The following VPS35L variants were observed in gnomAD, a reference collection of about 807,000 sequenced individuals.
VPS35L encodes VPS35 endosomal protein sorting factor like.
In VPS35L, 83 loss-of-function variants were observed where a neutral mutation model predicts 133.0. The observed-to-expected ratio is 0.62, with a 90% CI of 0.52 to 0.75. The LOEUF is 0.75. Among genes scored for constraint, VPS35L ranks in the 30% least tolerant of loss-of-function variants. The pLI is 0.00. For missense variants in VPS35L, 1,083 were observed against 1,206.8 expected, an observed-to-expected ratio of 0.90 and a Z score of 1.52; for synonymous variants, 423 against 449.9, an observed-to-expected ratio of 0.94 and a Z score of 0.76.
intron 9 of VPS35L, among the ~76,000 whole-genome samples, chr16:19,607,453 T>G (rs1172193012): frequency 1.3e-5 from 2 of 152,226 alleles, no homozygotes; most frequent in Non-Finnish European, 1.5e-5. Context: ...TTGACCCACG[T>G]GACCACACCT....
Position 19,563,955 on chromosome 16 carries a change from G to A in VPS35L, c.18-896G>A, listed in dbSNP as rs146550001. 2.9e-3 allele frequency among the ~76,000 whole-genome samples: 436 copies of A among 152,334 alleles called. 1 individual carries two copies. Among genetic ancestry groups the A allele is most frequent in the Admixed American group, 5.3e-3 (81 of 15,292 alleles). ...GCGTCAGCCTCTTGTCCTGTGCTGAGAATTCACAAATGCCCTCAGCGGGAA... is the reference window on the plus strand; with the variant it reads ...GCGTCAGCCTCTTGTCCTGTGCTGAAAATTCACAAATGCCCTCAGCGGGAA... On this transcript the variant is annotated intron_variant, in intron 1 of 30. Coordinates refer to ENST00000417362, the MANE Select transcript of VPS35L (RefSeq NM_020314.7).
intron 29 of VPS35L, among the ~76,000 whole-genome samples, chr16:19,693,472 C>T (rs1036211635): frequency 6.6e-6 from 1 of 151,296 alleles, no homozygotes; most frequent in African/African-American, 2.4e-5. Flanking sequence ...AAGATCCTGT[C>T]TCTATTAAAA....
At position 19,682,271 on chromosome 16, in the gene VPS35L, A is replaced by G. The variant is rs147028064; in HGVS notation, c.2408A>G (p.Asn803Ser). 1.7e-5 allele frequency: 27 copies of G among 1,614,020 alleles called. No homozygotes were observed. Among genetic ancestry groups the G allele is most frequent in the African/African-American group, 5.3e-5 (4 of 74,896 alleles). Reference protein sequence around the residue: ...GVLFLVRELLNVIQDYTWEDN... With the variant: ...GVLFLVRELLSVIQDYTWEDN... ...CTGTTTCTTGTTCGAGAGCTTCTCA[A>G]CGTGATCCAGGACTACACCTGGGAG... Residue 803 changes from asparagine (N) to serine (S), a missense_variant, in exon 28 of 31, where the codon AAC (asparagine) becomes AGC (serine). Transcript: ENST00000417362.
chr16:19,561,241 G>A (rs1398628037), intron 1 of VPS35L, among the ~76,000 whole-genome samples: 1 of 151,930 alleles, frequency 6.6e-6, no homozygotes, highest in African/African-American at 2.4e-5. Context: ...TGTGGTGGCG[G>A]GCGCCTGTAG....
intron 27 of VPS35L, among the ~76,000 whole-genome samples, chr16:19,672,397 C>T (rs1017010011): frequency 6.6e-6 from 1 of 152,194 alleles, no homozygotes; most frequent in African/African-American, 2.4e-5. Context: ...ATGATATGTT[C>T]CAAAATTGAC....
At chr16:19,624,222 C>T (rs1033651091) in intron 14 of VPS35L, among the ~76,000 whole-genome samples, 2 of 147,832 alleles carry the variant, frequency 1.4e-5, no homozygotes, top group Non-Finnish European at 3.0e-5. Flanking sequence ...CTCAAGTGAT[C>T]CTCCCACCTC....
chr16:19,654,903 G>A lies in VPS35L; in HGVS notation c.2221+2813G>A, dbSNP rs182731355. 8.3e-4 allele frequency among the ~76,000 whole-genome samples: 126 copies of A among 152,222 alleles called. No homozygotes were observed. In the Middle Eastern group the frequency reaches 0.01, roughly 12 times the overall value. On this transcript the variant is annotated intron_variant, in intron 26 of 30. Coordinates refer to ENST00000417362, the MANE Select transcript of VPS35L (RefSeq NM_020314.7). Reference sequence around the variant, plus strand: ...ATGGATCTGAATGTTGTGGATCTTGGGAAATTTATAATTAGATCCCATGTA... The same window carrying A: ...ATGGATCTGAATGTTGTGGATCTTGAGAAATTTATAATTAGATCCCATGTA...
intron 19 of VPS35L, among the ~76,000 whole-genome samples, chr16:19,634,544 A>G (rs941586431): frequency 6.6e-6 from 1 of 152,176 alleles, no homozygotes; most frequent in Non-Finnish European, 1.5e-5. Flanking sequence ...GTAACAGATT[A>G]TAGCCCATTG....
rs1972906340 is a variant in VPS35L, at chr16:19,616,742, T to C, written c.1158T>C (p.Ser386=). ...TGGTCCAAGGAGTGGAGCTCCCATC[T>C]TACCTCCCCTTGTACCCGCCTGCCA... ...QLVVQGVELP[S]YLPLYPPAMD... is the part of the protein sequence containing the mutation. The change falls in exon 14 of 31, where the codon TCT becomes TCC. Residue 386 remains serine (S), a synonymous_variant. Transcript: ENST00000417362. 6 of 1,614,116 alleles carry C rather than the reference T, an allele frequency of 3.7e-6. No individual in the cohort carries two copies. Among genetic ancestry groups the C allele is most frequent in the Non-Finnish European group, 4.2e-6 (5 of 1,179,984 alleles).
chr16:19,688,369 C>T (rs577487880), intron 28 of VPS35L, among the ~76,000 whole-genome samples: 6 of 152,210 alleles, frequency 3.9e-5, no homozygotes, highest in East Asian at 3.9e-4. Context: ...TTCAATGGGG[C>T]GAGAAAAGCA....
At chr16:19,700,041 G>C (rs185093426) in intron 30 of VPS35L, among the ~76,000 whole-genome samples, 91 of 152,344 alleles carry the variant, frequency 6.0e-4, no homozygotes, top group Admixed American at 3.9e-3. Flanking sequence ...AGGCTGCAGT[G>C]AGCTATGATC....
At chr16:19,663,665 A>ATTTTTTTT in intron 26 of VPS35L, among the ~76,000 whole-genome samples, 1 of 92,920 alleles carries the variant, frequency 1.1e-5, no homozygotes, top group African/African-American at 5.3e-5. Context: ...CAGTGCAGTA[A>ATTTTTTTT]TTTCTTTTTT....
intron 18 of VPS35L, among the ~76,000 whole-genome samples, chr16:19,630,326 GTTT>G (rs201807727): frequency 9.4e-6 from 1 of 106,510 alleles, no homozygotes; most frequent in Non-Finnish European, 1.8e-5. Context: ...AGTCCTAAAA[GTTT>G]TTTTTTTTTT....
chr16:19,622,551 C>T (rs574147527), intron 14 of VPS35L, among the ~76,000 whole-genome samples: 8 of 152,098 alleles, frequency 5.3e-5, no homozygotes, highest in East Asian at 1.9e-4. Flanking sequence ...ACTGTATTTT[C>T]GTTCAGCATA....
chr16:19,682,631 G>A (rs1156987518), intron 28 of VPS35L, among the ~76,000 whole-genome samples: 1 of 152,214 alleles, frequency 6.6e-6, no homozygotes, highest in Non-Finnish European at 1.5e-5. Context: ...GGAGGCCAAG[G>A]CAGGCGGATC....
At position 19,637,743 on chromosome 16, in the gene VPS35L, G is replaced by C. The variant is rs1397641760; in HGVS notation, c.1698+87G>C. 7.7e-6 allele frequency: 7 copies of C among 915,010 alleles called. No individual in the cohort carries two copies. In the East Asian group the frequency reaches 1.8e-4, roughly 24 times the overall value. 56.7% of individuals were successfully genotyped at this position (915,010 alleles called of 1,614,324 possible). A position where few individuals can be genotyped will look rare whatever the true frequency, so the allele number is the denominator to read the frequency against. ...TCAGTAATGTTTTCATGATGCCCCA[G>C]GCCAAAAGAAATATTCAGCAGTTCC... On this transcript the variant is annotated intron_variant, in intron 20 of 30. Coordinates refer to ENST00000417362, the MANE Select transcript of VPS35L (RefSeq NM_020314.7).
chr16:19,568,951 T>G (rs1971275245), intron 2 of VPS35L, among the ~76,000 whole-genome samples: 1 of 152,066 alleles, frequency 6.6e-6, no homozygotes. Flanking sequence ...AGTAGAAAAC[T>G]TAACTTTTAT....
intron 24 of VPS35L, 43 bp from the exon 25 acceptor site, chr16:19,650,339 G>A (rs766910785): frequency 8.2e-6 from 12 of 1,457,604 alleles, no homozygotes; most frequent in African/African-American, 1.4e-5. Flanking sequence ...CATCTGAATC[G>A]GCCATCGCTT....
At chr16:19,612,532 G>C (rs781651589) in intron 12 of VPS35L, among the ~76,000 whole-genome samples, 11 of 152,224 alleles carry the variant, frequency 7.2e-5, no homozygotes, top group Non-Finnish European at 7.3e-5. Flanking sequence ...GGGATTACAG[G>C]TGTGAGCCCC....
Sources: gnomAD v4.1 joint callset for allele counts (sites outside exome capture counted in the v4.1 genomes callset) on GRCh38, gnomAD v4.1.1 for gene constraint, MANE v1.5 for transcripts, NCBI Gene and HGNC (gene_info 2026-07-23, HGNC 2026-07-21) for gene names.